The following PPME1 variants were observed in gnomAD, a reference collection of about 807,000 sequenced individuals.
PPME1 encodes testicular secretory protein Li 39.
In PPME1, 17 loss-of-function variants were observed where a neutral mutation model predicts 56.9. The ratio of observed to expected loss-of-function variants is 0.30; its 90% CI spans 0.20 to 0.45. PPME1 has a LOEUF of 0.45. Ranked by LOEUF, PPME1 falls within the 20% of genes least tolerant of loss-of-function variation. The pLI is 1.00. For synonymous variants in PPME1, 122 were observed against 156.2 expected, an observed-to-expected ratio of 0.78 and a Z score of 1.63; for missense variants, 357 against 483.2, an observed-to-expected ratio of 0.74 and a Z score of 2.45.
At chr11:74,172,794 T>C (rs1239363750) in intron 1 of PPME1, among the ~76,000 whole-genome samples, 1 of 152,214 alleles carries the variant, frequency 6.6e-6, no homozygotes, top group Non-Finnish European at 1.5e-5. Context: ...CTCCAGAGTA[T>C]ATTTGGGATT....
intron 3 of PPME1, among the ~76,000 whole-genome samples, chr11:74,211,151 T>C (rs1273311944): frequency 6.6e-6 from 1 of 152,148 alleles, no homozygotes; most frequent in Non-Finnish European, 1.5e-5. Flanking sequence ...GTAAGACATT[T>C]ATGAAGAAAA....
chr11:74,234,172 A>G (rs1859136437), intron 7 of PPME1, among the ~76,000 whole-genome samples: 1 of 152,186 alleles, frequency 6.6e-6, no homozygotes, highest in African/African-American at 2.4e-5. Context: ...GTAGAAACAG[A>G]AAGAGGTAGA....
intron 4 of PPME1, chr11:74,222,683 T>G (rs1858829401): frequency 3.2e-6 from 1 of 316,876 alleles, no homozygotes; most frequent in Non-Finnish European, 6.2e-6. Flanking sequence ...GAGACCGGGT[T>G]TCACCATGTT....
intron 1 of PPME1, among the ~76,000 whole-genome samples, chr11:74,179,210 T>A (rs971341338): frequency 1.3e-5 from 2 of 152,220 alleles, no homozygotes; most frequent in African/African-American, 4.8e-5. Context: ...GTTGTATGAC[T>A]CTGGTCAGTT....
At chr11:74,183,775 A>T (rs1857601664) in intron 1 of PPME1, among the ~76,000 whole-genome samples, 1 of 152,084 alleles carries the variant, frequency 6.6e-6, no homozygotes, top group Non-Finnish European at 1.5e-5. Flanking sequence ...CAAGATTGTG[A>T]TCTGCTTGTT....
At chr11:74,217,884 T>C (rs1858697576) in intron 3 of PPME1, among the ~76,000 whole-genome samples, 1 of 152,182 alleles carries the variant, frequency 6.6e-6, no homozygotes, top group Admixed American at 6.6e-5. Flanking sequence ...ATGGCAAGGA[T>C]ACTCACTTTC....
intron 5 of PPME1, among the ~76,000 whole-genome samples, chr11:74,228,763 C>T (rs1008954927): frequency 5.3e-5 from 8 of 152,168 alleles, no homozygotes; most frequent in Non-Finnish European, 1.0e-4. Context: ...TGAAGGATTA[C>T]GTTAGGTGAT....
At chr11:74,243,540 G>GT (rs1314287679) in intron 9 of PPME1, 1 of 152,062 alleles carries the variant, frequency 6.6e-6, no homozygotes, top group African/African-American at 2.4e-5. Context: ...TGAAATGGCA[G>GT]TAAGTGTTTC....
intron 5 of PPME1, among the ~76,000 whole-genome samples, chr11:74,228,022 C>T (rs1858973272): frequency 6.6e-6 from 1 of 151,674 alleles, no homozygotes; most frequent in African/African-American, 2.4e-5. Flanking sequence ...CCATAGCATC[C>T]TTTTATTTTA....
chr11:74,196,477 G>C (rs1333506883), intron 1 of PPME1, among the ~76,000 whole-genome samples: 1 of 152,170 alleles, frequency 6.6e-6, no homozygotes, highest in East Asian at 1.9e-4. Flanking sequence ...TGGATATCCA[G>C]TTGTCCCAAT....
chr11:74,230,140 A>G lies in PPME1; in HGVS notation c.399-105A>G, dbSNP rs995867272. 111 of 1,261,624 alleles carry G rather than the reference A, an allele frequency of 8.8e-5. No individual in the cohort carries two copies. The Middle Eastern group carries it at 2.0e-3, about 23-fold the overall frequency. The allele number at this position is 1,261,624 out of a possible 1,614,324, so 78.2% of individuals were successfully genotyped here. On this transcript the variant is annotated intron_variant, in intron 5 of 13. Coordinates refer to ENST00000328257, the MANE Select transcript of PPME1 (RefSeq NM_016147.3). This position sits in a 1 kb window ranked among gnomAD's most constrained non-coding sequence, Gnocchi z 4.9. The stretch of plus-strand genomic sequence containing the variant: ...GTAAGATGGCCCAATAGACTTTTAC[A>G]GTTTCCCAGCACTGTTACACACCAA...
chr11:74,234,266 T>C (rs1815465712), intron 7 of PPME1, among the ~76,000 whole-genome samples: 1 of 152,210 alleles, frequency 6.6e-6, no homozygotes, highest in Non-Finnish European at 1.5e-5. Context: ...AAATGTTAAG[T>C]AGGCAGTTGT....
chr11:74,221,514 T>G (rs1322346294), intron 3 of PPME1, among the ~76,000 whole-genome samples: 1 of 152,196 alleles, frequency 6.6e-6, no homozygotes, highest in Non-Finnish European at 1.5e-5. Flanking sequence ...GGTCTAGTTC[T>G]GTTTTTACTC....
At chr11:74,213,588 G>A (rs1170292865) in intron 3 of PPME1, among the ~76,000 whole-genome samples, 1 of 152,180 alleles carries the variant, frequency 6.6e-6, no homozygotes, top group Non-Finnish European at 1.5e-5. Context: ...GTGGCCACAG[G>A]GGTACTTGTG....
At chr11:74,232,310 C>T (rs897346317) in intron 7 of PPME1, among the ~76,000 whole-genome samples, 4 of 152,258 alleles carry the variant, frequency 2.6e-5, no homozygotes, top group Admixed American at 6.5e-5. Context: ...TAGCATATGG[C>T]ATACTGCCCT....
intron 3 of PPME1, among the ~76,000 whole-genome samples, chr11:74,216,569 T>C (rs7926891): frequency 0.1 from 15,855 of 151,986 alleles, 2,164 homozygotes; most frequent in African/African-American, 0.32. Context: ...AACCCAACGA[T>C]GCATCCTAAA....
At chr11:74,179,164 A>G (rs1378734440) in intron 1 of PPME1, among the ~76,000 whole-genome samples, 3 of 152,154 alleles carry the variant, frequency 2.0e-5, no homozygotes, top group Admixed American at 6.5e-5. Context: ...GACTTTTTCC[A>G]GGTTTAAGTA....
chr11:74,185,061 G>A (rs113380659), intron 1 of PPME1, among the ~76,000 whole-genome samples: 2,544 of 139,694 alleles, frequency 0.018, 81 homozygotes, highest in African/African-American at 0.064. Flanking sequence ...GTGCAGTGGC[G>A]CAATCTCAGC....
rs141707671 is a variant in PPME1 at position 74,253,781 on chromosome 11, T to G, written c.*271T>G. The G allele has an allele frequency of 1.6e-4, 89 of 564,100 alleles. 2 individuals carry two copies. The East Asian group carries it at 2.6e-3, about 17-fold the overall frequency. 34.9% of individuals were successfully genotyped at this position (564,100 alleles called of 1,614,324 possible). Reference sequence around the variant, plus strand: ...TGGGGTAGCTCCTGCCTGCTCTCCCTGCGTTGCCTAGGGTAAAGCCTCCAG... The same window carrying G: ...TGGGGTAGCTCCTGCCTGCTCTCCCGGCGTTGCCTAGGGTAAAGCCTCCAG... On this transcript the variant is annotated 3_prime_UTR_variant, in exon 14 of 14. Transcript: ENST00000328257.
Sources: allele counts gnomAD v4.1 joint callset (sites outside exome capture counted in the v4.1 genomes callset), GRCh38; gene constraint gnomAD v4.1.1; non-coding constraint Gnocchi (gnomAD v3.1); transcripts MANE v1.5; gene names NCBI Gene and HGNC (gene_info 2026-07-23, HGNC 2026-07-21).